The following AFF1 variants were observed in gnomAD, a reference collection of about 807,000 sequenced individuals.
AFF1 encodes the protein AF4/FMR2 family member 1.
A neutral mutation model predicts 121.7 loss-of-function variants in AFF1; 48 were observed. The ratio of observed to expected loss-of-function variants is 0.39; its 90% CI spans 0.31 to 0.50. The LOEUF (loss-of-function observed/expected upper bound fraction) is 0.50. Ranked by LOEUF, AFF1 falls within the 20% of genes least tolerant of loss-of-function variation. AFF1 has a pLI of 0.76. For missense variants in AFF1, 1,523 were observed against 1,511.7 expected (o/e 1.01, Z -0.12); for synonymous variants, 613 against 563.0 (o/e 1.09, Z -1.26).
chr4:87,022,492 A>G (rs1052002927), intron 2 of AFF1, among the ~76,000 whole-genome samples: 1 of 146,112 alleles, frequency 6.8e-6, no homozygotes, highest in Admixed American at 6.9e-5. Context: ...TAGCCCACAA[A>G]ATCCAAATAA....
At chr4:87,062,260 C>T (rs933056270) in intron 4 of AFF1, among the ~76,000 whole-genome samples, 2 of 152,200 alleles carry the variant, frequency 1.3e-5, no homozygotes, top group Non-Finnish European at 2.9e-5. Context: ...GATTGAGTGT[C>T]TGATAAGGAC....
At chr4:87,004,502 C>G (rs564344441) in intron 2 of AFF1, among the ~76,000 whole-genome samples, 2 of 152,278 alleles carry the variant, frequency 1.3e-5, no homozygotes, top group South Asian at 4.1e-4. Flanking sequence ...ATTTTACATT[C>G]ATGCAAATCT....
At chr4:87,011,828 C>A (rs143497357) in intron 2 of AFF1, among the ~76,000 whole-genome samples, 31 of 152,206 alleles carry the variant, frequency 2.0e-4, no homozygotes, top group Non-Finnish European at 4.3e-4. Context: ...ACTGAAGGAG[C>A]GGTGAGTCAT....
In AFF1 at chr4:87,012,217, C is replaced by CTTTTTTTTTTTTTTTTTTTTT. The variant is rs68156863; in HGVS notation, c.39-33947_39-33946insTTTTTTTTTTTTTTTTTTTTT. On this transcript the variant is annotated intron_variant, in intron 2 of 20. Transcript: ENST00000395146. ...GTTAGCAAACTTCTCCATTTCATTTCTTGTTTTTTTTTTTTTTTGTATAAC... is the reference window on the plus strand; with the variant it reads ...GTTAGCAAACTTCTCCATTTCATTTCTTTTTTTTTTTTTTTTTTTTTTTGTTTTTTTTTTTTTTTGTATAAC... 4.3e-5 allele frequency among the ~76,000 whole-genome samples: 5 copies of CTTTTTTTTTTTTTTTTTTTTT among 115,100 alleles called. 2 individuals are homozygous for CTTTTTTTTTTTTTTTTTTTTT. The highest frequency in any genetic ancestry group is 8.7e-5 in the African/African-American group (3 of 34,578). The allele number at this position is 115,100 out of a possible 152,430, so 75.5% of individuals were successfully genotyped here.
chr4:86,980,983 T>C (rs1723707068), intron 2 of AFF1, among the ~76,000 whole-genome samples: 1 of 127,648 alleles, frequency 7.8e-6, no homozygotes, highest in South Asian at 2.8e-4. Flanking sequence ...AAAGTAACAA[T>C]GAACAAATGA....
At chr4:86,985,181 C>CTATCTATATATATATA in intron 2 of AFF1, among the ~76,000 whole-genome samples, 1 of 96,498 alleles carries the variant, frequency 1.0e-5, no homozygotes, top group African/African-American at 5.0e-5. Flanking sequence ...ATATGTATTA[C>CTATCTATATATATATA]TATATATATA....
chr4:87,124,953 CTTTGCCTTTTCTATA>C (rs1728080142), intron 12 of AFF1, 69 bp from the exon 13 acceptor site: 1 of 1,209,148 alleles, frequency 8.3e-7, no homozygotes, highest in South Asian at 1.7e-5. Flanking sequence ...CCTTTACCCT[CTTTGCCTTTTCTATA>C]TTTTCTTTTC....
At chr4:86,987,890 T>C (rs931226028) in intron 2 of AFF1, among the ~76,000 whole-genome samples, 7 of 151,258 alleles carry the variant, frequency 4.6e-5, no homozygotes, top group African/African-American at 7.3e-5. Context: ...GAGGTGGAGA[T>C]TGCAGTGAGC....
intron 7 of AFF1, among the ~76,000 whole-genome samples, chr4:87,092,431 T>A (rs926036723): frequency 6.6e-6 from 1 of 152,192 alleles, no homozygotes; most frequent in African/African-American, 2.4e-5. Context: ...AACAGTAGAT[T>A]GGAGTGTGTC....
At chr4:86,936,415 G>C (rs1463246672) in intron 1 of AFF1, 1 of 152,278 alleles carries the variant, frequency 6.6e-6, no homozygotes, top group African/African-American at 2.4e-5. Context: ...GTAGGAGTCT[G>C]AGAGGCGTGG....
At chr4:86,992,216 T>C (rs1261384277) in intron 2 of AFF1, among the ~76,000 whole-genome samples, 1 of 152,182 alleles carries the variant, frequency 6.6e-6, no homozygotes, top group Non-Finnish European at 1.5e-5. Context: ...CTTACCAGTT[T>C]GCATGACTGA....
chr4:87,090,151 G>A (rs1302903398), intron 6 of AFF1, 81 bp downstream of exon 6: 10 of 1,134,264 alleles, frequency 8.8e-6, no homozygotes, highest in Non-Finnish European at 2.6e-6. Flanking sequence ...GATTGATAAA[G>A]TATTACTTGT....
intron 2 of AFF1, among the ~76,000 whole-genome samples, chr4:86,955,981 T>C (rs963403488): frequency 1.3e-5 from 2 of 152,234 alleles, no homozygotes. Flanking sequence ...TGGACAGATC[T>C]TCTTTGTGCA....
chr4:87,004,789 G>A (rs1017392187), intron 2 of AFF1, among the ~76,000 whole-genome samples: 1 of 152,108 alleles, frequency 6.6e-6, no homozygotes, highest in Admixed American at 6.5e-5. Context: ...TGTTGTTTTG[G>A]TTGAAGTCTA....
intron 4 of AFF1, among the ~76,000 whole-genome samples, chr4:87,057,924 G>C (rs1330882688): frequency 1.3e-5 from 2 of 150,842 alleles, no homozygotes; most frequent in Non-Finnish European, 2.9e-5. Flanking sequence ...ACCCCTGCCT[G>C]ATGGCTTAGT....
At chr4:87,070,155 C>T (rs1399554257) in intron 4 of AFF1, among the ~76,000 whole-genome samples, 2 of 152,252 alleles carry the variant, frequency 1.3e-5, no homozygotes, top group African/African-American at 4.8e-5. Context: ...AGGCCTGCGC[C>T]ACCACACCAC....
intron 2 of AFF1, among the ~76,000 whole-genome samples, chr4:87,031,177 CCCATCCTGTGAGAAATCT>C (rs1440506205): frequency 6.6e-6 from 1 of 152,118 alleles, no homozygotes; most frequent in Non-Finnish European, 1.5e-5. Context: ...TGCTTTCGGA[CCCATCCTGTGAGAAATCT>C]GAGTGGAGTA....
chr4:87,121,205 G>A (rs1278645708), intron 12 of AFF1, among the ~76,000 whole-genome samples: 2 of 152,198 alleles, frequency 1.3e-5, no homozygotes, highest in Non-Finnish European at 2.9e-5. Flanking sequence ...CTGAAGTGGG[G>A]ATGACCTGGG....
rs182075854 is a variant in AFF1 at position 87,009,351 on chromosome 4, G to A, written c.39-36815G>A. Among the ~76,000 whole-genome samples the A allele has an allele frequency of 1.8e-3, 275 of 152,346 alleles. 3 individuals carry two copies. Among genetic ancestry groups the A allele is most frequent in the African/African-American group, 5.5e-3 (228 of 41,588 alleles). The stretch of plus-strand genomic sequence containing the variant: ...TATGCTTCCTCTTTAATGCTGAGGT[G>A]AGATGTTAAAGGGAGCTGCCAAGCC... On this transcript the variant is annotated intron_variant, in intron 2 of 20. Transcript: ENST00000395146.
Sources: gnomAD v4.1 joint callset for allele counts (sites outside exome capture counted in the v4.1 genomes callset) on GRCh38, gnomAD v4.1.1 for gene constraint, MANE v1.5 for transcripts, NCBI Gene and HGNC (gene_info 2026-07-23, HGNC 2026-07-21) for gene names.